Variants in BNC2 observed in about 807,000 individuals in gnomAD.
The protein encoded by BNC2 is basonuclin zinc finger protein 2, also known as zinc finger protein basonuclin-2.
In BNC2, 20 loss-of-function variants were observed where a neutral mutation model predicts 76.3. The ratio of observed to expected loss-of-function variants is 0.26; its 90% CI spans 0.18 to 0.38. BNC2 has a LOEUF of 0.38. Among genes scored for constraint, BNC2 ranks in the 10% least tolerant of loss-of-function variants. BNC2 has a pLI of 1.00. For missense variants in BNC2, 1,382 were observed against 1,399.8 expected (o/e 0.99, Z 0.20); for synonymous variants, 582 against 514.8 (o/e 1.13, Z -1.77).
intron 6 of BNC2, among the ~76,000 whole-genome samples, chr9:16,431,936 C>G (rs1820917407): frequency 6.6e-6 from 1 of 152,220 alleles, no homozygotes; most frequent in Admixed American, 6.5e-5. Context: ...ACCCACCACT[C>G]ACCTCCTGCT....
chr9:16,616,808 GAAGGAAGGAAGA>G (rs1483744773), intron 3 of BNC2, among the ~76,000 whole-genome samples: 29 of 149,346 alleles, frequency 1.9e-4, no homozygotes, highest in African/African-American at 2.5e-4. Flanking sequence ...AGGAAGGAAG[GAAGGAAGGAAGA>G]AAGGAAGGAA....
At chr9:16,465,599 C>T (rs1821688960) in intron 5 of BNC2, among the ~76,000 whole-genome samples, 1 of 152,070 alleles carries the variant, frequency 6.6e-6, no homozygotes, top group Admixed American at 6.5e-5. Context: ...GTTCAAATTA[C>T]ATACACGTAC....
chr9:16,739,962 G>C (rs529598932), intron 1 of BNC2, among the ~76,000 whole-genome samples: 1 of 152,302 alleles, frequency 6.6e-6, no homozygotes, highest in African/African-American at 2.4e-5. Flanking sequence ...TTAGAAAACA[G>C]ACTGATACTG....
At chr9:16,717,795 C>T (rs1052194096) in intron 3 of BNC2, among the ~76,000 whole-genome samples, 9 of 152,048 alleles carry the variant, frequency 5.9e-5, no homozygotes, top group Non-Finnish European at 1.3e-4. Flanking sequence ...AGCTCATTTT[C>T]GGCATTCTGC....
intron 1 of BNC2, among the ~76,000 whole-genome samples, chr9:16,752,431 G>C (rs139892605): frequency 7.2e-6 from 1 of 139,524 alleles, no homozygotes; most frequent in African/African-American, 2.6e-5. Flanking sequence ...CAATGTGTTT[G>C]GGCGGCAGTA....
intron 3 of BNC2, among the ~76,000 whole-genome samples, chr9:16,627,361 T>C (rs2133678483): frequency 6.6e-6 from 1 of 152,148 alleles, no homozygotes; most frequent in East Asian, 1.9e-4. Flanking sequence ...CAAAGCATAT[T>C]CCTATGTAAG....
chr9:16,567,122 T>C (rs1206146875), intron 4 of BNC2, among the ~76,000 whole-genome samples: 5 of 152,110 alleles, frequency 3.3e-5, no homozygotes, highest in Non-Finnish European at 4.4e-5. Context: ...TTTGATAAGA[T>C]CTATAGTTTT....
chr9:16,433,302 T>A (rs1480054283), intron 6 of BNC2, among the ~76,000 whole-genome samples: 1 of 152,256 alleles, frequency 6.6e-6, no homozygotes, highest in Non-Finnish European at 1.5e-5. Context: ...CTACAATGTT[T>A]GCAATTTGCT....
At chr9:16,754,668 C>A (rs1486473577) in intron 1 of BNC2, among the ~76,000 whole-genome samples, 2 of 152,178 alleles carry the variant, frequency 1.3e-5, no homozygotes, top group Non-Finnish European at 2.9e-5. Context: ...AGCGATTCTC[C>A]TGCCTCAGCC....
At chr9:16,578,501 T>G (rs1819546907) in intron 4 of BNC2, among the ~76,000 whole-genome samples, 1 of 152,122 alleles carries the variant, frequency 6.6e-6, no homozygotes. Flanking sequence ...GGGAGAATAG[T>G]AAGTAGGACT....
chr9:16,538,023 A>T (rs1020912941), intron 5 of BNC2, among the ~76,000 whole-genome samples: 5 of 152,230 alleles, frequency 3.3e-5, no homozygotes, highest in Admixed American at 1.3e-4. Context: ...AGAAGTTTAC[A>T]TCTTTGATAA....
chr9:16,484,533 T>C (rs1395810633), intron 5 of BNC2, among the ~76,000 whole-genome samples: 3 of 152,188 alleles, frequency 2.0e-5, no homozygotes, highest in Non-Finnish European at 4.4e-5. Context: ...CAACTCTGAA[T>C]GTCACACAGG....
chr9:16,437,688 C>CT (rs1401366296), intron 5 of BNC2, among the ~76,000 whole-genome samples, 164 bp from the exon 6 acceptor site: 1 of 152,182 alleles, frequency 6.6e-6, no homozygotes, highest in African/African-American at 2.4e-5. Flanking sequence ...ACAAAGCAAA[C>CT]TTTTCTGCCA....
intron 3 of BNC2, among the ~76,000 whole-genome samples, chr9:16,706,664 CT>C (rs1823683826): frequency 6.6e-6 from 1 of 151,968 alleles, no homozygotes; most frequent in Non-Finnish European, 1.5e-5. Flanking sequence ...AGACTTTTTT[CT>C]TTTTCTTTCC....
At chr9:16,553,872 C>T (rs1275444412) in intron 4 of BNC2, among the ~76,000 whole-genome samples, 1 of 152,130 alleles carries the variant, frequency 6.6e-6, no homozygotes, top group African/African-American at 2.4e-5. Flanking sequence ...TAAAGAGATG[C>T]TGCAAAGATT....
chr9:16,558,791 C>T (rs1012804794), intron 4 of BNC2, among the ~76,000 whole-genome samples: 1 of 151,918 alleles, frequency 6.6e-6, no homozygotes, highest in South Asian at 2.1e-4. Flanking sequence ...TGTCCAGGCA[C>T]GGTGGCGCGC....
intron 3 of BNC2, among the ~76,000 whole-genome samples, chr9:16,594,026 C>T (rs1820001416): frequency 6.6e-6 from 1 of 152,038 alleles, no homozygotes. Context: ...AATGTGATTA[C>T]ATTTCTCTGT....
intron 3 of BNC2, among the ~76,000 whole-genome samples, chr9:16,616,738 G>C (rs1483626733): frequency 6.8e-6 from 1 of 146,318 alleles, no homozygotes; most frequent in Non-Finnish European, 1.5e-5. Context: ...GGAAGAAAGG[G>C]GGAAAGGAAG....
At chr9:16,559,518 C>T (rs1191788792) in intron 4 of BNC2, among the ~76,000 whole-genome samples, 1 of 152,190 alleles carries the variant, frequency 6.6e-6, no homozygotes, top group East Asian at 1.9e-4. Flanking sequence ...CACTTAGCAA[C>T]TTCATTCAAG....
Sources: gnomAD v4.1 joint callset for allele counts (sites outside exome capture counted in the v4.1 genomes callset) on GRCh38, gnomAD v4.1.1 for gene constraint, MANE v1.5 for transcripts, NCBI Gene and HGNC (gene_info 2026-07-23, HGNC 2026-07-21) for gene names.